TENM3: variants seen among roughly 807,000 people sequenced by gnomAD.
TENM3 encodes teneurin transmembrane protein 3, also known as teneurin-3.
In TENM3, 63 loss-of-function variants were observed where a neutral mutation model predicts 255.1. The ratio of observed to expected loss-of-function variants is 0.25; its 90% CI spans 0.20 to 0.30. The LOEUF (loss-of-function observed/expected upper bound fraction) is 0.30, where lower values mean the gene tolerates loss of function less well. Among genes scored for constraint, TENM3 ranks in the 10% least tolerant of loss-of-function variants. The pLI is 1.00. For synonymous variants in TENM3, 1,306 were observed against 1,322.3 expected (o/e 0.99, Z 0.27); for missense variants, 2,929 against 3,461.1 (o/e 0.85, Z 3.86).
intron 1 of TENM3, among the ~76,000 whole-genome samples, chr4:182,166,992 GA>G (rs1301474877): frequency 6.6e-6 from 1 of 152,140 alleles, no homozygotes; most frequent in Non-Finnish European, 1.5e-5. Context: ...TTTAAAATGA[GA>G]TTATTGAAGT....
At chr4:182,498,162 C>T (rs934480566) in intron 3 of TENM3, among the ~76,000 whole-genome samples, 1 of 152,122 alleles carries the variant, frequency 6.6e-6, no homozygotes, top group South Asian at 2.1e-4. Context: ...AAAGAGTTGA[C>T]GTTCTCAGTC....
chr4:182,067,626 T>A, the TENM3 span, among the ~76,000 whole-genome samples: 1 of 152,132 alleles, frequency 6.6e-6, no homozygotes, highest in African/African-American at 2.4e-5. Flanking sequence ...TTTTAAGAGC[T>A]CTAAGTTACC....
At chr4:182,740,016 A>G (rs1761482401) in intron 18 of TENM3, among the ~76,000 whole-genome samples, 2 of 152,252 alleles carry the variant, frequency 1.3e-5, no homozygotes, top group African/African-American at 4.8e-5. Context: ...AGCCTGAGTG[A>G]CAGAGTGAGA....
the TENM3 span, among the ~76,000 whole-genome samples, chr4:181,878,161 G>T: frequency 6.6e-6 from 1 of 152,178 alleles, no homozygotes; most frequent in African/African-American, 2.4e-5. Context: ...CACTGAAAAT[G>T]ACTGAACCTA....
chr4:182,111,830 G>A, the TENM3 span, among the ~76,000 whole-genome samples: 2 of 152,192 alleles, frequency 1.3e-5, no homozygotes, highest in South Asian at 4.2e-4. Flanking sequence ...AGGAAGGATT[G>A]GTGACCAATT....
At chr4:182,391,897 A>G (rs1454149203) in intron 3 of TENM3, among the ~76,000 whole-genome samples, 1 of 152,228 alleles carries the variant, frequency 6.6e-6, no homozygotes, top group Non-Finnish European at 1.5e-5. Context: ...ATGAAGTACA[A>G]TTGAGAAAAT....
At chr4:181,518,015 T>G in the TENM3 span, among the ~76,000 whole-genome samples, 1 of 152,010 alleles carries the variant, frequency 6.6e-6, no homozygotes, top group Non-Finnish European at 1.5e-5. Flanking sequence ...CTTGTTGTAT[T>G]TGTGTTCATC....
intron 3 of TENM3, among the ~76,000 whole-genome samples, chr4:182,554,104 G>A (rs79258559): frequency 0.039 from 5,961 of 152,206 alleles, 124 homozygotes; most frequent in Middle Eastern, 0.065. Flanking sequence ...TAGCTAAAAA[G>A]GGATAATAAT....
chr4:182,219,411 C>T (rs1561211258), intron 1 of TENM3, among the ~76,000 whole-genome samples: 2 of 152,126 alleles, frequency 1.3e-5, no homozygotes, highest in Admixed American at 1.3e-4. Flanking sequence ...AAATCCAACC[C>T]ATCACCGTAA....
chr4:182,554,550 G>A lies in TENM3; in HGVS notation c.512-46374G>A, dbSNP rs367903152. ...CAAGCCTGTGTGCCAGGCAATTTGT[G>A]TGTGTGTGTGCACGTATGTGTGTGT... is the stretch of plus-strand genomic sequence containing the variant. On this transcript the variant is annotated intron_variant, in intron 3 of 27. Coordinates refer to ENST00000511685, the MANE Select transcript of TENM3 (RefSeq NM_001080477.4). Among the ~76,000 whole-genome samples, 8 of 152,080 alleles carry A rather than the reference G, an allele frequency of 5.3e-5. No individual in the cohort carries two copies. In the East Asian group the frequency reaches 7.7e-4, roughly 15 times the overall value.
chr4:181,467,007 C>G, the TENM3 span, among the ~76,000 whole-genome samples: 2 of 146,594 alleles, frequency 1.4e-5, no homozygotes, highest in African/African-American at 5.1e-5. Context: ...TAGGTAAAAA[C>G]TCAGAACTTA....
the TENM3 span, among the ~76,000 whole-genome samples, chr4:181,749,213 C>A: frequency 6.6e-6 from 1 of 151,836 alleles, no homozygotes; most frequent in Non-Finnish European, 1.5e-5. Context: ...AAAAGAGGTC[C>A]TTTTTGGCTT....
chr4:181,759,639 A>G, the TENM3 span, among the ~76,000 whole-genome samples: 2 of 152,090 alleles, frequency 1.3e-5, no homozygotes, highest in African/African-American at 4.8e-5. Context: ...ACCATTTGAT[A>G]AGTAAGGACT....
chr4:181,761,556 A>G, the TENM3 span, among the ~76,000 whole-genome samples: 1 of 152,138 alleles, frequency 6.6e-6, no homozygotes, highest in Non-Finnish European at 1.5e-5. Flanking sequence ...CTCCACAACC[A>G]TATTCCACTA....
chr4:181,804,026 G>A, the TENM3 span, among the ~76,000 whole-genome samples: 1 of 86,248 alleles, frequency 1.2e-5, no homozygotes, highest in South Asian at 4.8e-4. Flanking sequence ...AAATAGGGAG[G>A]GAGGGTAAGG....
chr4:181,589,520 A>G, the TENM3 span, among the ~76,000 whole-genome samples: 5 of 152,224 alleles, frequency 3.3e-5, no homozygotes, highest in Admixed American at 3.3e-4. Flanking sequence ...TTAAACTAAA[A>G]ATGTAAAAAG....
At chr4:182,723,222 C>T (rs1270590882) in intron 13 of TENM3, among the ~76,000 whole-genome samples, 5 of 152,090 alleles carry the variant, frequency 3.3e-5, no homozygotes, top group Non-Finnish European at 7.4e-5. Context: ...TGTAGACAAC[C>T]AAGAATGTGT....
At chr4:181,662,443 A>C in the TENM3 span, among the ~76,000 whole-genome samples, 1 of 152,188 alleles carries the variant, frequency 6.6e-6, no homozygotes, top group African/African-American at 2.4e-5. Context: ...TATGTCCTGC[A>C]ATCATCATAT....
chr4:181,452,954 C>A, the TENM3 span, among the ~76,000 whole-genome samples: 3 of 152,254 alleles, frequency 2.0e-5, no homozygotes, highest in South Asian at 4.1e-4. Flanking sequence ...TTGAAATAAT[C>A]ATGGCATTCA....
Sources: allele counts gnomAD v4.1 joint callset (sites outside exome capture counted in the v4.1 genomes callset), GRCh38; gene constraint gnomAD v4.1.1; transcripts MANE v1.5; gene names NCBI Gene and HGNC (gene_info 2026-07-23, HGNC 2026-07-21).